The following SECISBP2 variants were observed in gnomAD, a reference collection of about 807,000 sequenced individuals.
The protein encoded by SECISBP2 is selenocysteine insertion sequence-binding protein 2.
In SECISBP2, 96 loss-of-function variants were observed where a neutral mutation model predicts 98.2. That is an observed-to-expected ratio of 0.98 (90% CI 0.83 to 1.16). The LOEUF (loss-of-function observed/expected upper bound fraction) is 1.16, where lower values mean the gene tolerates loss of function less well. Ranked by LOEUF, SECISBP2 falls within the 50% of genes most tolerant of loss-of-function variation. SECISBP2 has a pLI of 0.00. For synonymous variants in SECISBP2, 407 were observed against 370.2 expected, an observed-to-expected ratio of 1.10 and a Z score of -1.14; for missense variants, 1,046 against 1,022.9, an observed-to-expected ratio of 1.02 and a Z score of -0.31.
chr9:89,333,350 T>C (rs977066712), intron 6 of SECISBP2, among the ~76,000 whole-genome samples: 1 of 152,242 alleles, frequency 6.6e-6, no homozygotes, highest in Non-Finnish European at 1.5e-5. Flanking sequence ...CTGTCAACAT[T>C]TGCCCTATTC....
At chr9:89,361,842 A>C (rs1041635082), downstream of SECISBP2, 4 of 158,200 alleles carry the variant, frequency 2.5e-5, no homozygotes, top group African/African-American at 9.6e-5. Flanking sequence ...AGGCATTTCC[A>C]TGTGGAGTCT....
chr9:89,341,566 GTTAT>G, intron 10 of SECISBP2, 87 bp downstream of exon 10: 3 of 1,482,296 alleles, frequency 2.0e-6, no homozygotes, highest in Non-Finnish European at 2.8e-6. Context: ...GTTATCAAAA[GTTAT>G]TTATAGATAA....
In SECISBP2 at chr9:89,349,869, C is replaced by T. The variant is rs1198849260; in HGVS notation, c.1832C>T (p.Ala611Val). Residue 611 changes from alanine to valine, a missense_variant, in exon 13 of 17, where the codon GCC becomes GTC. Ala to Val is a moderately conservative substitution (Grantham distance 64). Transcript: ENST00000375807. ...ACAGAGCTCCAGAGGGACACAGAGG[C>T]CTCCCACCTTGCTCCCAATCACACC... is the stretch of plus-strand genomic sequence containing the variant. ...PGTELQRDTE[A>V]SHLAPNHTTF... is the part of the protein sequence containing the mutation. 10 of 1,614,242 alleles carry T rather than the reference C, an allele frequency of 6.2e-6. No individual in the cohort carries two copies. The highest frequency in any genetic ancestry group is 8.5e-6 in the Non-Finnish European group (10 of 1,180,032).
intron 14 of SECISBP2, among the ~76,000 whole-genome samples, chr9:89,353,357 T>C (rs1831574862): frequency 6.6e-6 from 1 of 152,166 alleles, no homozygotes; most frequent in African/African-American, 2.4e-5. Context: ...AAGGAAGACT[T>C]CTCACTGCCT....
At chr9:89,363,443 C>T, downstream of SECISBP2, 1 of 1,613,672 alleles carries the variant, frequency 6.2e-7, no homozygotes, top group East Asian at 2.2e-5. Flanking sequence ...CGCCTTCCTC[C>T]AGCTCTGCAT....
chr9:89,319,367 A>G (rs1439570345), intron 1 of SECISBP2, among the ~76,000 whole-genome samples: 1 of 152,050 alleles, frequency 6.6e-6, no homozygotes, highest in Non-Finnish European at 1.5e-5. Flanking sequence ...TGGTAAAAAC[A>G]CCCTTATTCC....
At chr9:89,331,062 T>C (rs1435969671) in intron 5 of SECISBP2, among the ~76,000 whole-genome samples, 2 of 152,218 alleles carry the variant, frequency 1.3e-5, no homozygotes, top group African/African-American at 2.4e-5. Context: ...ATATTAGTAA[T>C]GTCTGAAAAT....
the SECISBP2 span, among the ~76,000 whole-genome samples, chr9:89,366,393 G>A: frequency 1.3e-5 from 2 of 152,126 alleles, no homozygotes; most frequent in African/African-American, 4.8e-5. Flanking sequence ...TACTTTGAAG[G>A]AAACATTCTG....
intron 11 of SECISBP2, 35 bp downstream of exon 11, chr9:89,347,083 GA>G (rs767742389): frequency 5.6e-6 from 9 of 1,605,326 alleles, no homozygotes; most frequent in Non-Finnish European, 7.7e-6. Context: ...TGAGGCACTA[GA>G]AAACTTAGTC....
chr9:89,343,901 T>A (rs757528611), intron 10 of SECISBP2, among the ~76,000 whole-genome samples: 4 of 152,222 alleles, frequency 2.6e-5, no homozygotes, highest in Non-Finnish European at 5.9e-5. Context: ...TTTTTAGGTC[T>A]GCTGAATCAC....
intron 2 of SECISBP2, among the ~76,000 whole-genome samples, chr9:89,321,166 C>A (rs1310255479): frequency 6.6e-6 from 1 of 152,196 alleles, no homozygotes; most frequent in Non-Finnish European, 1.5e-5. Flanking sequence ...GCATGGGTCT[C>A]ACTTGAGTTG....
At chr9:89,353,097 G>C (rs992588606) in intron 14 of SECISBP2, among the ~76,000 whole-genome samples, 3 of 152,174 alleles carry the variant, frequency 2.0e-5, no homozygotes, top group Admixed American at 6.5e-5. Flanking sequence ...GTTGAGGGTG[G>C]TGATTCTCAA....
chr9:89,363,510 T>C (rs982899202), downstream of SECISBP2: 1 of 1,613,880 alleles, frequency 6.2e-7, no homozygotes, highest in African/African-American at 1.3e-5. Context: ...CTGGTCCACC[T>C]CTCCTGGTGG....
In SECISBP2 at chr9:89,359,015, C is replaced by T; in HGVS notation, c.*191C>T. The T allele has an allele frequency of 1.7e-6, 1 of 600,548 alleles. No individual in the cohort carries two copies. The highest frequency in any genetic ancestry group is 1.9e-5 in the South Asian group (1 of 51,426). 37.2% of individuals were successfully genotyped at this position (600,548 alleles called of 1,614,324 possible). On this transcript the variant is annotated 3_prime_UTR_variant, in exon 17 of 17. Transcript: ENST00000375807. ...GCTGCGGAGCCTGTTAAAGGTCACT[C>T]AGATGTGCAGGTGTTAATCTTCTCT...
At chr9:89,352,654 T>G (rs1304219867) in intron 14 of SECISBP2, among the ~76,000 whole-genome samples, 1 of 152,208 alleles carries the variant, frequency 6.6e-6, no homozygotes, top group Non-Finnish European at 1.5e-5. Context: ...CTTGGAAGTA[T>G]GTCAGGGTCG....
intron 14 of SECISBP2, chr9:89,355,711 G>GCAAAC: frequency 3.6e-6 from 1 of 274,044 alleles, no homozygotes; most frequent in Non-Finnish European, 5.6e-6. Flanking sequence ...TAAAAGGTTT[G>GCAAAC]CTTTTAAAAT....
chr9:89,318,548 G>C lies in SECISBP2; in HGVS notation c.-29G>C, dbSNP rs894440592. The C allele has an allele frequency of 6.6e-7, 1 of 1,510,590 alleles. No individual in the cohort carries two copies. Among genetic ancestry groups the C allele is most frequent in the Non-Finnish European group, 8.8e-7 (1 of 1,135,124 alleles). The allele number at this position is 1,510,590 out of a possible 1,614,324, so 93.6% of individuals were successfully genotyped here. On this transcript the variant is annotated 5_prime_UTR_variant, in exon 1 of 17. Transcript: ENST00000375807. Reference sequence around the variant, plus strand: ...AGCCGACGGCCCGCTGCTGGCCTCCGTGACGCGGCCTCCTCCGCGCCTCGC... The same window carrying C: ...AGCCGACGGCCCGCTGCTGGCCTCCCTGACGCGGCCTCCTCCGCGCCTCGC...
intron 14 of SECISBP2, among the ~76,000 whole-genome samples, chr9:89,352,233 C>T (rs914785871): frequency 1.3e-5 from 2 of 152,222 alleles, no homozygotes; most frequent in Non-Finnish European, 2.9e-5. Context: ...TCCTCTAAGA[C>T]GGTTACACCA....
intron 8 of SECISBP2, among the ~76,000 whole-genome samples, chr9:89,339,226 G>A (rs990110535): frequency 3.6e-4 from 55 of 152,224 alleles, no homozygotes; most frequent in African/African-American, 1.3e-3. Flanking sequence ...GCCCAGCTTA[G>A]GGTCAAGCCC....
Sources: gnomAD v4.1 joint callset for allele counts (sites outside exome capture counted in the v4.1 genomes callset) on GRCh38, gnomAD v4.1.1 for gene constraint, MANE v1.5 for transcripts, NCBI Gene and HGNC (gene_info 2026-07-23, HGNC 2026-07-21) for gene names.